OR6J1: variants seen among roughly 807,000 people sequenced by gnomAD.
The protein encoded by OR6J1 is olfactory receptor 6J1.
For synonymous variants in OR6J1, 109 were observed against 70.0 expected, an observed-to-expected ratio of 1.56 and a Z score of -2.78; for missense variants, 304 against 166.8, an observed-to-expected ratio of 1.82 and a Z score of -4.53.
chr14:22,639,268 G>T (rs1204035676), intron 1 of OR6J1, among the ~76,000 whole-genome samples: 2 of 126,396 alleles, frequency 1.6e-5, no homozygotes, highest in Admixed American at 7.2e-5. Context: ...CAGCCGCCCC[G>T]TCCGGGAGGT....
rs1360074906 is a variant in OR6J1, at chr14:22,632,148, C to T, written c.*1620G>A. 2 of 152,278 alleles carry T rather than the reference C, an allele frequency of 1.3e-5. No individual in the cohort carries two copies. The highest frequency in any genetic ancestry group is 2.4e-5 in the African/African-American group (1 of 41,422). The allele number at this position is 152,278 out of a possible 1,614,324, so 9.4% of individuals were successfully genotyped here. ...GGCCAAGCAAGACAAGAAATTAAACCTCAGAGATTCTGATGATATTGAAAA... is the reference window on the plus strand; with the variant it reads ...GGCCAAGCAAGACAAGAAATTAAACTTCAGAGATTCTGATGATATTGAAAA... On this transcript the variant is annotated 3_prime_UTR_variant, in exon 2 of 2. Coordinates refer to ENST00000540461, the MANE Select transcript of OR6J1 (RefSeq NM_001348233.2).
intron 1 of OR6J1, among the ~76,000 whole-genome samples, chr14:22,643,750 C>CAGCAGTTACTAAATGT (rs2037668703): frequency 9.3e-6 from 1 of 107,528 alleles, no homozygotes; most frequent in Admixed American, 1.2e-4. Flanking sequence ...CACACACACA[C>CAGCAGTTACTAAATGT]ACACACACAC....
At chr14:22,639,142 A>G (rs1237033768) in intron 1 of OR6J1, among the ~76,000 whole-genome samples, 1 of 82,124 alleles carries the variant, frequency 1.2e-5, no homozygotes, top group Non-Finnish European at 2.3e-5. Context: ...GCCCCGTCTG[A>G]GAAGTGAGGA....
Position 22,634,748 on chromosome 14 carries a change from C to A in OR6J1, c.64G>T (p.Val22Leu). Reference sequence around the variant, plus strand: ...AGGAGCACCAGGAGCAGCAGCTCCACCTCCCTGCTCAGGGAAAACCCCAGC... The same window carrying A: ...AGGAGCACCAGGAGCAGCAGCTCCAACTCCCTGCTCAGGGAAAACCCCAGC... ...VLLGFSLSRE[V>L]ELLLLVLLLP... Residue 22 changes from valine (V) to leucine (L), a missense_variant, in exon 2 of 2, where the codon GTG (valine) becomes TTG (leucine). By Grantham distance (32) the Val-to-Leu change is conservative. Coordinates refer to ENST00000540461, the MANE Select transcript of OR6J1 (RefSeq NM_001348233.2). 1.4e-6 allele frequency: 1 copy of A among 705,766 alleles called. No individual in the cohort carries two copies. Among genetic ancestry groups the A allele is most frequent in the Non-Finnish European group, 2.6e-6 (1 of 385,996 alleles). The allele number at this position is 705,766 out of a possible 1,614,324, so 43.7% of individuals were successfully genotyped here.
intron 1 of OR6J1, among the ~76,000 whole-genome samples, chr14:22,641,441 AAGAG>A (rs565037273): frequency 9.4e-5 from 8 of 84,684 alleles, no homozygotes; most frequent in East Asian, 9.0e-4. Flanking sequence ...GAAAGAATGA[AAGAG>A]AGAGAAAGAA....
Position 22,637,832 on chromosome 14 carries a change from G to C in OR6J1, c.-27-2994C>G, listed in dbSNP as rs1216665640. Reference sequence around the variant, plus strand: ...TGGGAAGTGAGGAGCCCCTCTGCCCGGCCAGCCGCCCCGTCCGGGAGGGAG... The same window carrying C: ...TGGGAAGTGAGGAGCCCCTCTGCCCCGCCAGCCGCCCCGTCCGGGAGGGAG... On this transcript the variant is annotated intron_variant, in intron 1 of 1. Coordinates refer to ENST00000540461, the MANE Select transcript of OR6J1 (RefSeq NM_001348233.2). Among the ~76,000 whole-genome samples, 47 of 45,718 alleles carry C rather than the reference G, an allele frequency of 1.0e-3. 2 individuals are homozygous for C. Among genetic ancestry groups the C allele is most frequent in the African/African-American group, 8.4e-3 (44 of 5,232 alleles). 30.0% of individuals were successfully genotyped at this position (45,718 alleles called of 152,430 possible).
intron 1 of OR6J1, among the ~76,000 whole-genome samples, chr14:22,635,080 A>G (rs1434976406): frequency 6.6e-6 from 1 of 152,232 alleles, no homozygotes; most frequent in Non-Finnish European, 1.5e-5. Context: ...TGAACTTTCT[A>G]AAAGATAATT....
rs1209296028 is a variant in OR6J1, at chr14:22,639,136, C to T, written c.-27-4298G>A. Reference sequence around the variant, plus strand: ...GAGCCCCTCCGCCCGGCAGCTGCCCCGTCTGAGAAGTGAGGAGCCTCTCCG... The same window carrying T: ...GAGCCCCTCCGCCCGGCAGCTGCCCTGTCTGAGAAGTGAGGAGCCTCTCCG... On this transcript the variant is annotated intron_variant, in intron 1 of 1. Transcript: ENST00000540461. 4.7e-3 allele frequency among the ~76,000 whole-genome samples: 332 copies of T among 70,686 alleles called. 1 individual carries two copies. Among genetic ancestry groups the T allele is most frequent in the African/African-American group, 9.3e-3 (83 of 8,912 alleles). 46.4% of individuals were successfully genotyped at this position (70,686 alleles called of 152,430 possible).
Position 22,638,895 on chromosome 14 carries a change from C to T in OR6J1, c.-27-4057G>A, listed in dbSNP as rs1332161644. The stretch of plus-strand genomic sequence containing the variant: ...GAAGTGAGGAGCGCCTCTTCCCAGC[C>T]GCCATCACATCTAGGAAGTGAGGAG... On this transcript the variant is annotated intron_variant, in intron 1 of 1. Transcript: ENST00000540461. Among the ~76,000 whole-genome samples, 8 of 103,612 alleles carry T rather than the reference C, an allele frequency of 7.7e-5. 1 individual carries two copies. Among genetic ancestry groups the T allele is most frequent in the Non-Finnish European group, 1.2e-4 (6 of 50,048 alleles). The allele number at this position is 103,612 out of a possible 152,430, so 68.0% of individuals were successfully genotyped here. A position where few individuals can be genotyped will look rare whatever the true frequency, so the allele number is the denominator to read the frequency against.
rs534943888 is a variant in OR6J1, at chr14:22,633,896, T to G, written c.916A>C (p.Arg306=). Residue 306 remains arginine, a synonymous_variant, in exon 2 of 2, where the codon AGG becomes CGG. Coordinates refer to ENST00000540461, the MANE Select transcript of OR6J1 (RefSeq NM_001348233.2). Reference sequence around the variant, plus strand: ...CTCTTTTCAAAAACTCCTCGAACCCTGACCCACACATCCCTGAGGACTCCC... The same window carrying G: ...CTCTTTTCAAAAACTCCTCGAACCCGGACCCACACATCCCTGAGGACTCCC... The part of the protein sequence containing the change: ...VQGVLRDVWV[R]VRGVFEKRMR... The G allele has an allele frequency of 1.0e-5, 7 of 702,960 alleles. No homozygotes were observed. In the Admixed American group the frequency reaches 1.2e-4, roughly 12 times the overall value. 43.5% of individuals were successfully genotyped at this position (702,960 alleles called of 1,614,324 possible).
At chr14:22,641,447 G>GAA (rs1408446291) in intron 1 of OR6J1, among the ~76,000 whole-genome samples, 6 of 48,130 alleles carry the variant, frequency 1.2e-4, no homozygotes, top group African/African-American at 3.4e-4. Flanking sequence ...ATGAAAGAGA[G>GAA]AGAAAGAAAG....
chr14:22,637,143 C>G (rs2037594932), intron 1 of OR6J1, among the ~76,000 whole-genome samples: 1 of 115,348 alleles, frequency 8.7e-6, no homozygotes, highest in Non-Finnish European at 1.7e-5. Flanking sequence ...GCCCGGCCGC[C>G]CTGTCTGAGA....
Position 22,639,996 on chromosome 14 carries a change from A to T in OR6J1, c.-28+4102T>A, listed in dbSNP as rs77828310. ...GAATTATCAATAAAAAAATAAATTT[A>T]AAAAAAAAAAAAATTTACACTGCTA... On this transcript the variant is annotated intron_variant, in intron 1 of 1. Transcript: ENST00000540461. 2.9e-4 allele frequency among the ~76,000 whole-genome samples: 22 copies of T among 76,864 alleles called. 6 individuals are homozygous for T. The highest frequency in any genetic ancestry group is 1.1e-3 in the African/African-American group (13 of 11,468). 50.4% of individuals were successfully genotyped at this position (76,864 alleles called of 152,430 possible). A position where few individuals can be genotyped will look rare whatever the true frequency, so the allele number is the denominator to read the frequency against.
At chr14:22,642,929 A>G (rs2037662416) in intron 1 of OR6J1, among the ~76,000 whole-genome samples, 1 of 151,962 alleles carries the variant, frequency 6.6e-6, no homozygotes, top group Non-Finnish European at 1.5e-5. Flanking sequence ...CAGCCTCCCA[A>G]GTAGCTAGGA....
intron 1 of OR6J1, among the ~76,000 whole-genome samples, chr14:22,643,011 A>C (rs1486110395): frequency 6.7e-6 from 1 of 149,838 alleles, no homozygotes; most frequent in Non-Finnish European, 1.5e-5. Context: ...CTTGTCACCC[A>C]GGCTGGAGTG....
intron 1 of OR6J1, among the ~76,000 whole-genome samples, chr14:22,636,550 GCAGGCGCACGC>G (rs2037588041): frequency 8.7e-6 from 1 of 114,614 alleles, no homozygotes. Context: ...GCCTGCGATT[GCAGGCGCACGC>G]CGCCACGCCT....
intron 1 of OR6J1, among the ~76,000 whole-genome samples, chr14:22,635,646 T>G (rs1191747055): frequency 6.6e-6 from 1 of 152,158 alleles, no homozygotes; most frequent in Non-Finnish European, 1.5e-5. Context: ...AAATGACCAA[T>G]GGAACAAAAT....
At chr14:22,638,513 T>A (rs1258248237) in intron 1 of OR6J1, among the ~76,000 whole-genome samples, 1 of 92,494 alleles carries the variant, frequency 1.1e-5, no homozygotes, top group Non-Finnish European at 2.0e-5. Context: ...ACACAAACAC[T>A]GCGGAAGGCC....
At position 22,632,111 on chromosome 14, in the gene OR6J1, T is replaced by G. The variant is rs2037550636; in HGVS notation, c.*1657A>C. On this transcript the variant is annotated 3_prime_UTR_variant, in exon 2 of 2. Transcript: ENST00000540461. The stretch of plus-strand genomic sequence containing the variant: ...GGGGTTAATTTAGCAAAGTGGATGC[T>G]GCAGCACTGGCGGCCAAGCAAGACA... 6.6e-6 allele frequency: 1 copy of G among 152,308 alleles called. No homozygotes were observed. Among genetic ancestry groups the G allele is most frequent in the African/African-American group, 2.4e-5 (1 of 41,450 alleles). The allele number at this position is 152,308 out of a possible 1,614,324, so 9.4% of individuals were successfully genotyped here.
Sources: gnomAD v4.1 joint callset for allele counts (sites outside exome capture counted in the v4.1 genomes callset) on GRCh38, gnomAD v4.1.1 for gene constraint, MANE v1.5 for transcripts, NCBI Gene and HGNC (gene_info 2026-07-23, HGNC 2026-07-21) for gene names.